Variants in SETBP1 observed in about 807,000 individuals in gnomAD.
The protein encoded by SETBP1 is SET-binding protein.
A neutral mutation model predicts 101.0 loss-of-function variants in SETBP1; 9 were observed. That is an observed-to-expected ratio of 0.09 (90% CI 0.05 to 0.16). SETBP1 has a LOEUF of 0.16. Ranked by LOEUF, SETBP1 falls within the 10% of genes least tolerant of loss-of-function variation. The pLI is 1.00. For synonymous variants in SETBP1, 818 were observed against 788.5 expected, an observed-to-expected ratio of 1.04 and a Z score of -0.63; for missense variants, 1,858 against 2,033.8, an observed-to-expected ratio of 0.91 and a Z score of 1.66.
chr18:44,804,427 A>G (rs2071682914), intron 2 of SETBP1, among the ~76,000 whole-genome samples: 1 of 152,134 alleles, frequency 6.6e-6, no homozygotes, highest in African/African-American at 2.4e-5. Flanking sequence ...TAAACTGTAG[A>G]GTCCGTGGAG....
intron 4 of SETBP1, among the ~76,000 whole-genome samples, chr18:45,019,355 A>G (rs1006775185): frequency 1.7e-4 from 22 of 132,948 alleles, no homozygotes; most frequent in Middle Eastern, 7.5e-3. Flanking sequence ...AATAAAAATT[A>G]TATATATTTA....
chr18:45,026,752 A>G (rs2073172383), intron 4 of SETBP1, among the ~76,000 whole-genome samples: 2 of 152,046 alleles, frequency 1.3e-5, no homozygotes, highest in South Asian at 2.1e-4. Flanking sequence ...CAATTACATC[A>G]GCATTTTGTT....
chr18:44,956,037 G>T, intron 4 of SETBP1, among the ~76,000 whole-genome samples: 1 of 152,116 alleles, frequency 6.6e-6, no homozygotes, highest in Non-Finnish European at 1.5e-5. Context: ...TTTTGCCACT[G>T]CTTTGTTTCT....
chr18:44,900,316 C>T (rs2070013371), intron 3 of SETBP1, among the ~76,000 whole-genome samples: 1 of 152,204 alleles, frequency 6.6e-6, no homozygotes, highest in Non-Finnish European at 1.5e-5. Context: ...TTGGGAACCA[C>T]TGCTCTTAAA....
intron 2 of SETBP1, among the ~76,000 whole-genome samples, chr18:44,812,729 C>G (rs1451341521): frequency 2.0e-5 from 3 of 152,126 alleles, no homozygotes; most frequent in African/African-American, 7.2e-5. Context: ...CCTTGAAAAT[C>G]AAGTTTCTAT....
chr18:44,943,637 A>T (rs1014930992), intron 3 of SETBP1, among the ~76,000 whole-genome samples: 3 of 152,186 alleles, frequency 2.0e-5, no homozygotes, highest in Non-Finnish European at 4.4e-5. Context: ...TGATGCTAAC[A>T]TACAGCCAGA....
intron 2 of SETBP1, among the ~76,000 whole-genome samples, chr18:44,769,751 A>C (rs2070833781): frequency 6.6e-6 from 1 of 152,252 alleles, no homozygotes; most frequent in African/African-American, 2.4e-5. Flanking sequence ...AAGTTCATGA[A>C]GTGCCACCTT....
chr18:45,031,417 C>T (rs1246628163), intron 4 of SETBP1, among the ~76,000 whole-genome samples: 2 of 152,062 alleles, frequency 1.3e-5, no homozygotes, highest in African/African-American at 2.4e-5. Context: ...CACACAACAA[C>T]GTCATTAACA....
At chr18:44,934,893 C>A (rs750030830) in intron 3 of SETBP1, among the ~76,000 whole-genome samples, 6 of 152,188 alleles carry the variant, frequency 3.9e-5, no homozygotes, top group African/African-American at 1.4e-4. Flanking sequence ...GTGACACATG[C>A]CACACTATCT....
intron 2 of SETBP1, among the ~76,000 whole-genome samples, chr18:44,738,521 C>T (rs1568118138): frequency 6.6e-6 from 1 of 152,140 alleles, no homozygotes; most frequent in Non-Finnish European, 1.5e-5. Flanking sequence ...CACCTGTAAT[C>T]CCAGCACTTT....
chr18:44,951,735 T>A lies in SETBP1; in HGVS notation c.2395T>A (p.Phe799Ile). 1.2e-6 allele frequency: 2 copies of A among 1,614,014 alleles called. No individual in the cohort carries two copies. The highest frequency in any genetic ancestry group is 1.7e-6 in the Non-Finnish European group (2 of 1,180,006). ...NLSPASTETN[F>I]SELKTMPNLQ... is the part of the protein sequence containing the mutation. The stretch of plus-strand genomic sequence containing the variant: ...GAGCCCTGCCAGCACTGAAACCAAT[T>A]TTTCAGAGTTGAAAACTATGCCAAA... The change falls in exon 4 of 6, where the codon TTT becomes ATT. Residue 799 changes from phenylalanine to isoleucine, a missense_variant. This residue lies in a region of SETBP1 where 121 missense variants were observed against 138.0 expected (regional missense o/e 0.88). Coordinates refer to ENST00000649279, the MANE Select transcript of SETBP1 (RefSeq NM_015559.3). This position sits in a 1 kb window ranked among gnomAD's most constrained non-coding sequence, Gnocchi z 7.8.
intron 2 of SETBP1, among the ~76,000 whole-genome samples, chr18:44,713,234 T>A (rs2069385099): frequency 6.6e-6 from 1 of 151,934 alleles, no homozygotes; most frequent in Non-Finnish European, 1.5e-5. Flanking sequence ...TGGGATTACA[T>A]GTGTGAGCCA....
At chr18:44,698,565 AC>A (rs2069059474) in intron 1 of SETBP1, among the ~76,000 whole-genome samples, 1 of 152,064 alleles carries the variant, frequency 6.6e-6, no homozygotes, top group African/African-American at 2.4e-5. Context: ...TTTCTCTGCT[AC>A]GTCTTCCTTC....
In SETBP1 at chr18:44,988,416, A is replaced by G. The variant is rs2072286924; in HGVS notation, c.4000+35076A>G. 2.0e-5 allele frequency: 3 copies of G among 152,354 alleles called. No individual in the cohort carries two copies. In the South Asian group the frequency reaches 6.2e-4, roughly 32 times the overall value. The allele number at this position is 152,354 out of a possible 1,614,324, so 9.4% of individuals were successfully genotyped here. A position where few individuals can be genotyped will look rare whatever the true frequency, so the allele number is the denominator to read the frequency against. On this transcript the variant is annotated intron_variant, in intron 4 of 5. Transcript: ENST00000649279. ...TATAAAAGGTTTCTGTTTACAAGAT[A>G]CAGCAGGCAAGAAATACTTCAAAAC...
At chr18:44,904,038 A>G (rs1220013502) in intron 3 of SETBP1, among the ~76,000 whole-genome samples, 1 of 152,206 alleles carries the variant, frequency 6.6e-6, no homozygotes, top group Non-Finnish European at 1.5e-5. Flanking sequence ...TAGGGTACTG[A>G]GTCTACAGCA....
chr18:44,833,285 TTG>T, intron 2 of SETBP1, among the ~76,000 whole-genome samples: 1 of 152,106 alleles, frequency 6.6e-6, no homozygotes, highest in South Asian at 2.1e-4. Context: ...GAAGCAGCAG[TTG>T]TGTTTAAGGT....
intron 2 of SETBP1, among the ~76,000 whole-genome samples, chr18:44,855,027 C>T (rs377692059): frequency 1.3e-5 from 2 of 152,168 alleles, no homozygotes; most frequent in Non-Finnish European, 2.9e-5. Context: ...TCCCAAATAC[C>T]AGATGGCTCA....
chr18:44,830,915 C>T (rs1276171763), intron 2 of SETBP1, among the ~76,000 whole-genome samples: 3 of 152,164 alleles, frequency 2.0e-5, no homozygotes, highest in Non-Finnish European at 4.4e-5. Flanking sequence ...TCCTTGGTTT[C>T]ATGACTGCCT....
At chr18:44,926,830 A>G (rs903232399) in intron 3 of SETBP1, among the ~76,000 whole-genome samples, 45 of 152,250 alleles carry the variant, frequency 3.0e-4, no homozygotes, top group Non-Finnish European at 5.1e-4. Flanking sequence ...CAAGCTAAGC[A>G]AAAGCTTCAG....
Sources: gnomAD v4.1 joint callset for allele counts (sites outside exome capture counted in the v4.1 genomes callset) on GRCh38, gnomAD v4.1.1 for gene constraint, gnomAD v4.1.1 regional missense constraint, Gnocchi (gnomAD v3.1) non-coding constraint, MANE v1.5 for transcripts, NCBI Gene and HGNC (gene_info 2026-07-23, HGNC 2026-07-21) for gene names.